MIA2: variants seen among roughly 807,000 people sequenced by gnomAD.
MIA2 encodes the protein MIA SH3 domain ER export factor 2, also known as melanoma inhibitory activity protein 2.
Under a neutral mutation model 167.8 loss-of-function variants are expected in MIA2, and 127 were observed. That is an observed-to-expected ratio of 0.76 (90% CI 0.66 to 0.88). MIA2 has a LOEUF of 0.88. Among genes scored for constraint, MIA2 ranks in the 40% least tolerant of loss-of-function variants. MIA2 has a pLI of 0.00. For synonymous variants in MIA2, 552 were observed against 541.9 expected, an observed-to-expected ratio of 1.02 and a Z score of -0.26; for missense variants, 1,690 against 1,624.7, an observed-to-expected ratio of 1.04 and a Z score of -0.69.
Position 39,308,598 on chromosome 14 carries a change from T to A in MIA2, c.3017+11T>A. 1 of 1,529,920 alleles carries A rather than the reference T, an allele frequency of 6.5e-7. No homozygotes were observed. The highest frequency in any genetic ancestry group is 8.9e-7 in the Non-Finnish European group (1 of 1,128,530). The allele number at this position is 1,529,920 out of a possible 1,614,324, so 94.8% of individuals were successfully genotyped here. Reference sequence around the variant, plus strand: ...AATGAAACTCCACAGGTAATAAAAATTATGTTAACTCCATTGAACAGCAAG... The same window carrying A: ...AATGAAACTCCACAGGTAATAAAAAATATGTTAACTCCATTGAACAGCAAG... On this transcript the variant is annotated intron_variant, in intron 18 of 28. Transcript: ENST00000640607.
At chr14:39,275,605 C>A (rs1566671068) in intron 6 of MIA2, among the ~76,000 whole-genome samples, 1 of 152,136 alleles carries the variant, frequency 6.6e-6, no homozygotes, top group Non-Finnish European at 1.5e-5. Flanking sequence ...ATTGATTACA[C>A]AATTTTTGAG....
At chr14:39,328,394 A>C (rs915166676) in intron 25 of MIA2, among the ~76,000 whole-genome samples, 6 of 151,750 alleles carry the variant, frequency 4.0e-5, no homozygotes, top group Non-Finnish European at 7.4e-5. Flanking sequence ...GATTGCAAAA[A>C]TTTTCTCCCA....
At chr14:39,348,655 C>T (rs776793944) in intron 27 of MIA2, 88 bp from the exon 28 acceptor site, 71 of 1,532,542 alleles carry the variant, frequency 4.6e-5, no homozygotes, top group Middle Eastern at 1.7e-4. Flanking sequence ...TGCTTTCTGT[C>T]TAGATGATTT....
intron 7 of MIA2, among the ~76,000 whole-genome samples, chr14:39,277,714 A>ATATATATATATATATATATG: frequency 2.7e-4 from 1 of 3,642 alleles, no homozygotes; most frequent in Middle Eastern, 0.071. Context: ...ATATATATAT[A>ATATATATATATATATATATG]TGTGTGTATA....
chr14:39,242,324 A>ATT (rs56734587), intron 3 of MIA2, among the ~76,000 whole-genome samples: 18,811 of 141,198 alleles, frequency 0.13, 1,476 homozygotes, highest in Middle Eastern at 0.18. Context: ...TACTTATTGC[A>ATT]TTTTTTTTTT....
chr14:39,245,151 AC>A (rs1217608262), intron 3 of MIA2, among the ~76,000 whole-genome samples: 1 of 142,876 alleles, frequency 7.0e-6, no homozygotes, highest in East Asian at 2.0e-4. Context: ...ATCATGGCTC[AC>A]TGCAGCTTGA....
chr14:39,371,449 G>A (rs191719074), intron 23 of MIA2, among the ~76,000 whole-genome samples: 49 of 152,274 alleles, frequency 3.2e-4, no homozygotes, highest in Middle Eastern at 6.8e-3. Flanking sequence ...TATAGTGAGT[G>A]ATTTTTAGTC....
intron 23 of MIA2, among the ~76,000 whole-genome samples, chr14:39,357,096 C>T (rs557641660): frequency 6.6e-6 from 1 of 152,294 alleles, no homozygotes; most frequent in African/African-American, 2.4e-5. Flanking sequence ...AGTTCAGTTC[C>T]TGGATATCCT....
rs756275554 is a variant in MIA2, at chr14:39,303,534, A to G, written c.2787+10A>G. 3.8e-6 allele frequency: 6 copies of G among 1,598,992 alleles called. No homozygotes were observed. Among genetic ancestry groups the G allele is most frequent in the East Asian group, 2.3e-5 (1 of 44,434 alleles). Reference sequence around the variant, plus strand: ...GATTCATGCTGCTAAGGTTTGTGCTATTAGATACTTAAAAAGAATAAGGAG... The same window carrying G: ...GATTCATGCTGCTAAGGTTTGTGCTGTTAGATACTTAAAAAGAATAAGGAG... On this transcript the variant is annotated intron_variant, in intron 16 of 28. Coordinates refer to ENST00000640607, the MANE Select transcript of MIA2 (RefSeq NM_001329214.4).
intron 13 of MIA2, among the ~76,000 whole-genome samples, chr14:39,296,863 C>T (rs1291875550): frequency 2.0e-5 from 3 of 151,786 alleles, no homozygotes; most frequent in Non-Finnish European, 2.9e-5. Context: ...GCAACCTCCA[C>T]CTCCCGCGTT....
At chr14:39,288,491 T>TTA (rs2060254989) in intron 9 of MIA2, among the ~76,000 whole-genome samples, 1 of 111,686 alleles carries the variant, frequency 9.0e-6, no homozygotes, top group Admixed American at 1.0e-4. Context: ...TTTTTTTTTT[T>TTA]TGAGACGGAG....
Position 39,314,812 on chromosome 14 carries a change from G to GTGTGTGTGTA in MIA2, c.3180+22_3180+23insATGTGTGTGT. The stretch of plus-strand genomic sequence containing the variant: ...TTATCAAGGGCAGGTATATATATAT[G>GTGTGTGTGTA]TGTGTGTGTGTGTGTGTGTGTGTGT... On this transcript the variant is annotated intron_variant, in intron 20 of 28. Coordinates refer to ENST00000640607, the MANE Select transcript of MIA2 (RefSeq NM_001329214.4). 1 of 1,045,626 alleles carries GTGTGTGTGTA rather than the reference G, an allele frequency of 9.6e-7. No individual in the cohort carries two copies. The highest frequency in any genetic ancestry group is 1.3e-6 in the Non-Finnish European group (1 of 749,904). The allele number at this position is 1,045,626 out of a possible 1,614,324, so 64.8% of individuals were successfully genotyped here.
intron 26 of MIA2, 80 bp from the exon 27 acceptor site, chr14:39,347,633 T>TA: frequency 6.8e-7 from 1 of 1,464,198 alleles, no homozygotes; most frequent in East Asian, 2.3e-5. Flanking sequence ...AGTGGGAAAA[T>TA]ACCAATTTTG....
chr14:39,272,904 A>G (rs981295340), intron 6 of MIA2, among the ~76,000 whole-genome samples: 3 of 152,134 alleles, frequency 2.0e-5, no homozygotes, highest in African/African-American at 7.2e-5. Context: ...ATTCTTTTTG[A>G]TGCTATTATA....
At chr14:39,263,927 GC>G (rs1287976148) in intron 6 of MIA2, among the ~76,000 whole-genome samples, 3 of 152,084 alleles carry the variant, frequency 2.0e-5, no homozygotes, top group Admixed American at 1.3e-4. Flanking sequence ...AGCCAACCAC[GC>G]CCAGCCCTTC....
At chr14:39,340,645 C>G (rs2071592211) in intron 25 of MIA2, among the ~76,000 whole-genome samples, 1 of 152,184 alleles carries the variant, frequency 6.6e-6, no homozygotes, top group Admixed American at 6.5e-5. Flanking sequence ...TGTGGTCTTC[C>G]CAAACTTAAT....
rs566848918 is a variant in MIA2 at position 39,360,804 on chromosome 14, G to C, written c.2248+11827G>C. On this transcript the variant is annotated intron_variant, in intron 23 of 23. Transcript: ENST00000341502. The stretch of plus-strand genomic sequence containing the variant: ...TTATAGTTTTGGGCCTTATGTTTAG[G>C]TGTTTAATCCATCTTGAGTTTAATC... Among the ~76,000 whole-genome samples, 114 of 152,216 alleles carry C rather than the reference G, an allele frequency of 7.5e-4. No individual in the cohort carries two copies. In the Middle Eastern group the frequency reaches 0.01, roughly 14 times the overall value.
chr14:39,286,943 C>G (rs941863499), intron 9 of MIA2, among the ~76,000 whole-genome samples: 1 of 152,062 alleles, frequency 6.6e-6, no homozygotes, highest in African/African-American at 2.4e-5. Context: ...ACAGGCTGGT[C>G]TCGAACTTCT....
chr14:39,316,583 G>GTT (rs1363396566), intron 21 of MIA2, among the ~76,000 whole-genome samples: 5 of 152,180 alleles, frequency 3.3e-5, no homozygotes, highest in Admixed American at 6.5e-5. Flanking sequence ...AGCTTGGTAG[G>GTT]TATTTCTTAG....
Sources: allele counts gnomAD v4.1 joint callset (sites outside exome capture counted in the v4.1 genomes callset), GRCh38; gene constraint gnomAD v4.1.1; transcripts MANE v1.5; gene names NCBI Gene and HGNC (gene_info 2026-07-23, HGNC 2026-07-21).